TTC24: variants seen among roughly 807,000 people sequenced by gnomAD.
TTC24 encodes the protein tetratricopeptide repeat domain 24.
TTC24 carries 54 observed loss-of-function variants against 63.3 expected under a neutral mutation model. The observed-to-expected ratio is 0.85, with a 90% CI of 0.69 to 1.07. TTC24 has a LOEUF of 1.07. Among genes scored for constraint, TTC24 ranks in the 50% least tolerant of loss-of-function variants. The pLI, the probability that TTC24 is intolerant of heterozygous loss-of-function variation, is 0.00. For missense variants in TTC24, 680 were observed against 730.5 expected, an observed-to-expected ratio of 0.93 and a Z score of 0.80; for synonymous variants, 276 against 304.3, an observed-to-expected ratio of 0.91 and a Z score of 0.97.
In TTC24 at chr1:156,584,882, G is replaced by T. The variant is rs754388895; in HGVS notation, c.1257G>T (p.Ser419=). Residue 419 remains serine (S), a synonymous_variant, in exon 7 of 11, where the codon TCG becomes TCT. Transcript: ENST00000368236. The part of the protein sequence containing the change: ...VGLVQTHTLT[S]APGRLQAPGG... ...TTACTCCACTTCATTCCCAGACTTC[G>T]GCTCCGGGAAGACTCCAGGCTCCAG... is the stretch of plus-strand genomic sequence containing the variant. 2.5e-6 allele frequency: 4 copies of T among 1,572,956 alleles called. No homozygotes were observed. Among genetic ancestry groups the T allele is most frequent in the African/African-American group, 2.7e-5 (2 of 73,638 alleles).
rs60400973 is a variant in TTC24 at position 156,583,189 on chromosome 1, G to A, written c.1039+19G>A. On this transcript the variant is annotated intron_variant, in intron 4 of 10. Coordinates refer to ENST00000368236, the MANE Select transcript of TTC24 (RefSeq NM_001105669.4). The surrounding 1 kb of genome is among the most constrained non-coding windows in gnomAD (Gnocchi z 4.0). ...GACTCTGGTAAGCGTGAGAGGGTTG[G>A]GATGTGACTGGGACAGTGGGGAGGC... 11,859 of 1,611,020 alleles carry A rather than the reference G, an allele frequency of 7.4e-3. 814 individuals carry two copies. The African/African-American group carries it at 0.14, about 19-fold the overall frequency.
At position 156,582,059 on chromosome 1, in the gene TTC24, G is replaced by T. The variant is rs541413217; in HGVS notation, c.695G>T (p.Arg232Met). 6.8e-7 allele frequency: 1 copy of T among 1,467,550 alleles called. No homozygotes were observed. Among genetic ancestry groups the T allele is most frequent in the Non-Finnish European group, 9.0e-7 (1 of 1,108,948 alleles). The allele number at this position is 1,467,550 out of a possible 1,614,324, so 90.9% of individuals were successfully genotyped here. ...SRRLAERSTE[R>M]RLLGHLYNDL... is the part of the protein sequence containing the mutation. ...AGGCTTGCCGAGAGGAGCACTGAGA[G>T]GCGACTGCTGGGTGAGACCTTCGGG... Residue 232 changes from arginine (R) to methionine (M), a missense_variant, in exon 2 of 11, where the codon AGG becomes ATG. Physicochemically the swap from Arg to Met is moderately conservative, Grantham distance 91. Transcript: ENST00000368236.
Position 156,581,413 on chromosome 1 carries a change from C to T in TTC24, c.49C>T (p.Pro17Ser), listed in dbSNP as rs908443428. ...EDVPRRPEPE[P>S]SSSNKKKKKR... is the part of the protein sequence containing the mutation. ...TGTGCCCCGGAGGCCAGAACCTGAG[C>T]CCTCAAGCTCCAATAAGAAAAAGAA... Residue 17 changes from proline to serine, a missense_variant, in exon 2 of 11, where the codon CCC becomes TCC. By Grantham distance (74) the Pro-to-Ser change is moderately conservative. Transcript: ENST00000368236. 1 of 1,540,418 alleles carries T rather than the reference C, an allele frequency of 6.5e-7. No homozygotes were observed. Among genetic ancestry groups the T allele is most frequent in the African/African-American group, 1.4e-5 (1 of 72,362 alleles).
intron 8 of TTC24, 183 bp from the exon 9 acceptor site, chr1:156,585,530 C>A: frequency 1.6e-6 from 1 of 619,850 alleles, no homozygotes; most frequent in Non-Finnish European, 2.9e-6. Context: ...ACTTCTAGAA[C>A]TTTGCATCTT....
chr1:156,582,686 A>T (rs910794146), intron 3 of TTC24, among the ~76,000 whole-genome samples: 5 of 152,196 alleles, frequency 3.3e-5, no homozygotes, highest in Non-Finnish European at 7.3e-5. Context: ...TGGCTGCGAG[A>T]GGAGGCCTGA....
At chr1:156,586,092 G>A (rs745829758) in intron 10 of TTC24, 47 bp downstream of exon 10, 1 of 1,290,774 alleles carries the variant, frequency 7.7e-7, no homozygotes, top group South Asian at 1.3e-5. Flanking sequence ...AGCAAAAAAA[G>A]TAGAATGTGT....
At chr1:156,580,914 C>T (rs1220959066) in intron 1 of TTC24, among the ~76,000 whole-genome samples, 1 of 152,242 alleles carries the variant, frequency 6.6e-6, no homozygotes, top group Non-Finnish European at 1.5e-5. Flanking sequence ...CACTATCCAT[C>T]TCCAGAACTT....
rs763017454 is a variant in TTC24, at chr1:156,582,289, C to T, written c.765C>T (p.Ala255=). 9.6e-6 allele frequency: 15 copies of T among 1,568,320 alleles called. No homozygotes were observed. Among genetic ancestry groups the T allele is most frequent in the East Asian group, 2.4e-5 (1 of 41,858 alleles). The change falls in exon 3 of 11, where the codon GCC becomes GCT. Residue 255 remains alanine (A), a synonymous_variant. Transcript: ENST00000368236. ...CCCAGCTCCAGCTGTTCCCGCTGGC[C>T]GTGGAGGCCTTCCTGCAGGCCCTGC... ...GYSQLQLFPL[A]VEAFLQALPL...
In TTC24 at chr1:156,582,290, G is replaced by A. The variant is rs375039699; in HGVS notation, c.766G>A (p.Val256Met). Reference sequence around the variant, plus strand: ...CCAGCTCCAGCTGTTCCCGCTGGCCGTGGAGGCCTTCCTGCAGGCCCTGCC... The same window carrying A: ...CCAGCTCCAGCTGTTCCCGCTGGCCATGGAGGCCTTCCTGCAGGCCCTGCC... ...YSQLQLFPLA[V>M]EAFLQALPLC... is the part of the protein sequence containing the mutation. The change falls in exon 3 of 11, where the codon GTG becomes ATG. Residue 256 changes from valine to methionine, a missense_variant. Transcript: ENST00000368236. The A allele has an allele frequency of 4.1e-5, 65 of 1,569,978 alleles. No individual in the cohort carries two copies. Among genetic ancestry groups the A allele is most frequent in the East Asian group, 1.2e-4 (5 of 41,936 alleles).
In TTC24 at chr1:156,585,205, T is replaced by C. The variant is rs745704340; in HGVS notation, c.1430T>C (p.Val477Ala). 1 of 1,613,038 alleles carries C rather than the reference T, an allele frequency of 6.2e-7. No homozygotes were observed. Among genetic ancestry groups the C allele is most frequent in the Non-Finnish European group, 8.5e-7 (1 of 1,179,610 alleles). The stretch of plus-strand genomic sequence containing the variant: ...GAGGAGAGGTCGGCAAACGTTCCGG[T>C]GAGGGCTGGGCCGGGAAGACCAGAG... The part of the protein sequence containing the change: ...KKEERSANVP[V>A]RAGPGRPELC... The change falls in exon 8 of 11, where the codon GTG becomes GCG. Residue 477 changes from valine (V) to alanine (A), a missense_variant. Transcript: ENST00000368236.
intron 9 of TTC24, 50 bp from the exon 10 acceptor site, chr1:156,585,899 T>C (rs1176289895): frequency 1.3e-6 from 2 of 1,597,050 alleles, no homozygotes; most frequent in African/African-American, 2.7e-5. Context: ...CCATGATAGT[T>C]CTTGGTGCAG....
At position 156,583,936 on chromosome 1, in the gene TTC24, G is replaced by C. The variant is rs918534311; in HGVS notation, c.1251+41G>C. ...AGACAAGGAGATGGGGGTGGAGAGAGGTTACCCAGAGAAGGGGTTGGTGGT... is the reference window on the plus strand; with the variant it reads ...AGACAAGGAGATGGGGGTGGAGAGACGTTACCCAGAGAAGGGGTTGGTGGT... On this transcript the variant is annotated intron_variant, in intron 6 of 10. Transcript: ENST00000368236. This position sits in a 1 kb window ranked among gnomAD's most constrained non-coding sequence, Gnocchi z 4.0. The C allele has an allele frequency of 6.6e-7, 1 of 1,514,858 alleles. No individual in the cohort carries two copies. Among genetic ancestry groups the C allele is most frequent in the Non-Finnish European group, 9.0e-7 (1 of 1,113,470 alleles). The allele number at this position is 1,514,858 out of a possible 1,614,324, so 93.8% of individuals were successfully genotyped here.
chr1:156,585,009 G>A (rs368978717), intron 7 of TTC24, 35 bp downstream of exon 7: 76 of 1,538,234 alleles, frequency 4.9e-5, no homozygotes, highest in Non-Finnish European at 6.2e-5. Context: ...AGATGCATGC[G>A]CCCTCTGCAG....
chr1:156,584,996 C>A, intron 7 of TTC24, 22 bp downstream of exon 7: 1 of 1,567,426 alleles, frequency 6.4e-7, no homozygotes, highest in Non-Finnish European at 8.7e-7. Context: ...AATGGTGCAG[C>A]AGAGATGCAT....
chr1:156,580,012 A>G (rs544244031), intron 1 of TTC24, among the ~76,000 whole-genome samples: 13 of 152,314 alleles, frequency 8.5e-5, no homozygotes, highest in African/African-American at 2.9e-4. Flanking sequence ...GAGTTCATAA[A>G]AAGCTTTTGC....
Position 156,581,530 on chromosome 1 carries a change from T to C in TTC24, c.166T>C (p.Leu56=), listed in dbSNP as rs1389944631. 2 of 1,551,232 alleles carry C rather than the reference T, an allele frequency of 1.3e-6. No homozygotes were observed. Among genetic ancestry groups the C allele is most frequent in the East Asian group, 2.4e-5 (1 of 40,916 alleles). The change falls in exon 2 of 11, where the codon TTG becomes CTG. Residue 56 remains leucine (L), a synonymous_variant. Transcript: ENST00000368236. ...TCAGGCTGGCCAGAACCATGAAGCCTTGAACAACTTCCAGAGGGCCTTCCT... is the reference window on the plus strand; with the variant it reads ...TCAGGCTGGCCAGAACCATGAAGCCCTGAACAACTTCCAGAGGGCCTTCCT... ...ALQAGQNHEA[L]NNFQRAFLLA...
rs1050614897 is a variant in TTC24 at position 156,587,497 on chromosome 1, G to A, written c.*947G>A. 3.3e-5 allele frequency among the ~76,000 whole-genome samples: 5 copies of A among 152,108 alleles called. No individual in the cohort carries two copies. The highest frequency in any genetic ancestry group is 9.7e-5 in the African/African-American group (4 of 41,430). On this transcript the variant is annotated 3_prime_UTR_variant, in exon 11 of 11. Transcript: ENST00000368236. ...TTTAATATCAAGTGTGTCTATGCCC[G>A]TTGTATGTGTTATTGTAATTCATAA...
rs537649845 is a variant in TTC24 at position 156,587,693 on chromosome 1, A to C, written c.*1143A>C. Among the ~76,000 whole-genome samples, 1 of 151,646 alleles carries C rather than the reference A, an allele frequency of 6.6e-6. No homozygotes were observed. Among genetic ancestry groups the C allele is most frequent in the East Asian group, 1.9e-4 (1 of 5,188 alleles). ...TCAATGTAAAAGAAAATTTATCTTT[A>C]AAAAAAAATAAATTGATGAACTGAG... On this transcript the variant is annotated 3_prime_UTR_variant, in exon 11 of 11. Coordinates refer to ENST00000368236, the MANE Select transcript of TTC24 (RefSeq NM_001105669.4).
At chr1:156,585,049 ACCCCATGTGTATC>A in intron 7 of TTC24, 63 bp from the exon 8 acceptor site, 2 of 1,542,850 alleles carry the variant, frequency 1.3e-6, no homozygotes, top group Non-Finnish European at 1.8e-6. Flanking sequence ...GTGGGGTAGG[ACCCCATGTGTATC>A]CCCAGGAAGG....
Sources: allele counts gnomAD v4.1 joint callset (sites outside exome capture counted in the v4.1 genomes callset), GRCh38; gene constraint gnomAD v4.1.1; non-coding constraint Gnocchi (gnomAD v3.1); transcripts MANE v1.5; gene names NCBI Gene and HGNC (gene_info 2026-07-23, HGNC 2026-07-21).